Variants in SPATC1L observed in about 807,000 individuals in gnomAD.
SPATC1L encodes the protein spermatogenesis and centriole associated 1 like, also known as speriolin-like protein.
Under a neutral mutation model 21.2 loss-of-function variants are expected in SPATC1L, and 20 were observed. The ratio of observed to expected loss-of-function variants is 0.94; its 90% CI spans 0.66 to 1.37. SPATC1L has a LOEUF of 1.37. Ranked by LOEUF, SPATC1L falls within the 40% of genes most tolerant of loss-of-function variation. The probability of loss-of-function intolerance (pLI) is 0.00; values close to 1 mark genes in which losing one functional copy is unlikely to be tolerated. For synonymous variants in SPATC1L, 290 were observed against 234.5 expected (o/e 1.24, Z -2.16); for missense variants, 499 against 478.7 (o/e 1.04, Z -0.40).
At position 46,182,684 on chromosome 21, in the gene SPATC1L, G is replaced by A; in HGVS notation, c.133C>T (p.His45Tyr). 6.5e-7 allele frequency: 1 copy of A among 1,542,768 alleles called. No individual in the cohort carries two copies. The highest frequency in any genetic ancestry group is 8.7e-7 in the Non-Finnish European group (1 of 1,146,388). Residue 45 changes from histidine (H) to tyrosine (Y), a missense_variant, in exon 2 of 5, where the codon CAC (histidine) becomes TAC (tyrosine). His to Tyr is a moderately conservative substitution (Grantham distance 83). Transcript: ENST00000291672. ...LSQSCQEGGG[H>Y]DLLPPRAHAY... ...TGCGCCCTGGGTGGGAGCAGGTCGT[G>A]GCCGCCGCCCTCCTGGCAGCTCTGG... is the stretch of plus-strand genomic sequence containing the variant.
At chr21:46,165,827 C>T (rs79968514) in intron 3 of SPATC1L, among the ~76,000 whole-genome samples, 16,083 of 152,182 alleles carry the variant, frequency 0.11, 1,497 homozygotes, top group African/African-American at 0.25. Context: ...AAACCTTTAT[C>T]GAATTATTTG....
intron 3 of SPATC1L, among the ~76,000 whole-genome samples, chr21:46,164,892 G>T (rs2079529577): frequency 2.0e-5 from 3 of 151,686 alleles, no homozygotes; most frequent in Admixed American, 2.0e-4. Context: ...AATGATTCTA[G>T]TATAGGTTCT....
intron 2 of SPATC1L, among the ~76,000 whole-genome samples, chr21:46,179,366 C>T (rs8133205): frequency 0.22 from 34,076 of 151,960 alleles, 5,016 homozygotes; most frequent in African/African-American, 0.41. Context: ...ATAGAAGATC[C>T]CATCTCCATA....
intron 2 of SPATC1L, among the ~76,000 whole-genome samples, chr21:46,170,249 TGCTCTGTGAGC>T (rs2079575749): frequency 1.4e-5 from 2 of 141,166 alleles, no homozygotes; most frequent in East Asian, 2.0e-4. Flanking sequence ...AGGAGCCCCC[TGCTCTGTGAGC>T]ATCCTCTGTG....
At chr21:46,168,740 C>A (rs1372854794) in intron 2 of SPATC1L, 82 bp from the exon 3 acceptor site, 7 of 875,380 alleles carry the variant, frequency 8.0e-6, no homozygotes, top group Non-Finnish European at 1.1e-5. Context: ...ATGTTAACAA[C>A]CCCTATGCAC....
intron 2 of SPATC1L, among the ~76,000 whole-genome samples, chr21:46,173,356 G>A (rs749714611): frequency 4.5e-4 from 69 of 152,218 alleles, no homozygotes; most frequent in South Asian, 3.5e-3. Flanking sequence ...AGACAGCCCC[G>A]ACGGCCACAC....
At chr21:46,182,479 G>A in intron 2 of SPATC1L, 145 bp downstream of exon 2, 1 of 724,754 alleles carries the variant, frequency 1.4e-6, no homozygotes, top group Non-Finnish European at 2.1e-6. Flanking sequence ...CCCACCACCT[G>A]GTCTTGCTTT....
At chr21:46,163,869 G>A (rs1190353536) in intron 3 of SPATC1L, among the ~76,000 whole-genome samples, 1 of 152,146 alleles carries the variant, frequency 6.6e-6, no homozygotes, top group Non-Finnish European at 1.5e-5. Context: ...TTTCTGTAAA[G>A]AAGCCACTAG....
intron 2 of SPATC1L, among the ~76,000 whole-genome samples, chr21:46,172,495 A>G (rs925891172): frequency 5.9e-5 from 9 of 152,262 alleles, no homozygotes; most frequent in African/African-American, 2.2e-4. Context: ...GGACTCTTCC[A>G]CAGCATCCAG....
At chr21:46,172,937 C>A (rs966920036) in intron 2 of SPATC1L, among the ~76,000 whole-genome samples, 17 of 152,318 alleles carry the variant, frequency 1.1e-4, no homozygotes, top group Admixed American at 8.5e-4. Flanking sequence ...AAGGAGCAAC[C>A]CACTGTTGCC....
rs55652162 is a variant in SPATC1L at position 46,183,185 on chromosome 21, C to T, written c.-369G>A. The T allele has an allele frequency of 0.03, 8,098 of 267,380 alleles. 378 individuals are homozygous for T. Among genetic ancestry groups the T allele is most frequent in the African/African-American group, 0.11 (5,175 of 45,130 alleles). The allele number at this position is 267,380 out of a possible 1,614,324, so 16.6% of individuals were successfully genotyped here. Reference sequence around the variant, plus strand: ...CGGCCCAGCCAGGGTCGGGTGTCCACCCTGTGTGGTGTCCTCAAGCTGGGT... The same window carrying T: ...CGGCCCAGCCAGGGTCGGGTGTCCATCCTGTGTGGTGTCCTCAAGCTGGGT... On this transcript the variant is annotated 5_prime_UTR_variant, in exon 2 of 5. In the 5' UTR this introduces an upstream ATG that the reference lacks. Transcript: ENST00000291672.
At chr21:46,171,078 G>A (rs2079586167) in intron 2 of SPATC1L, among the ~76,000 whole-genome samples, 1 of 152,248 alleles carries the variant, frequency 6.6e-6, no homozygotes, top group African/African-American at 2.4e-5. Context: ...GGGCTCAGGT[G>A]TGTTCACTTT....
At position 46,182,561 on chromosome 21, in the gene SPATC1L, C is replaced by T. The variant is rs138704000; in HGVS notation, c.193+63G>A. On this transcript the variant is annotated intron_variant, in intron 2 of 4. Transcript: ENST00000291672. The stretch of plus-strand genomic sequence containing the variant: ...GGAGCTGGCCGCCACCCTCGACTCC[C>T]GGGGAGCAGGCGTCCCGCGACCCCC... 917 of 1,395,212 alleles carry T rather than the reference C, an allele frequency of 6.6e-4. 5 individuals are homozygous for T. The East Asian group carries it at 0.019, about 29-fold the overall frequency. 86.4% of individuals were successfully genotyped at this position (1,395,212 alleles called of 1,614,324 possible).
chr21:46,165,974 T>G (rs1431515591), intron 3 of SPATC1L, among the ~76,000 whole-genome samples: 2 of 152,066 alleles, frequency 1.3e-5, no homozygotes, highest in Non-Finnish European at 2.9e-5. Context: ...TAACACCAAT[T>G]CAACACAAAC....
chr21:46,180,230 G>A (rs2079662279), intron 2 of SPATC1L, among the ~76,000 whole-genome samples: 1 of 152,212 alleles, frequency 6.6e-6, no homozygotes, highest in Admixed American at 6.5e-5. Flanking sequence ...ATAAGGACTG[G>A]TGGGGAATGC....
chr21:46,161,608 C>A lies in SPATC1L; in HGVS notation c.794G>T (p.Gly265Val), dbSNP rs1324850588. Residue 265 changes from glycine to valine, a missense_variant, in exon 5 of 5, where the codon GGC (glycine) becomes GTC (valine). Transcript: ENST00000291672. ...LALSARLEKLGYSRDVHPAFS... is the reference protein window; with the variant it reads ...LALSARLEKLVYSRDVHPAFS... ...CGCCGGGTGCACGTCGCGGCTGTAG[C>A]CCAGCTTCTCCAGGCGCGCGCTCAG... 1 of 1,610,356 alleles carries A rather than the reference C, an allele frequency of 6.2e-7. No homozygotes were observed. Among genetic ancestry groups the A allele is most frequent in the Admixed American group, 1.7e-5 (1 of 59,788 alleles).
rs1569002518 is a variant in SPATC1L, at chr21:46,174,350, A to AAAAAAAC, written c.194-5693_194-5692insGTTTTTT. On this transcript the variant is annotated intron_variant, in intron 2 of 4. Transcript: ENST00000291672. ...TCTGTCTCAAAAAACAAAACAAAAA[A>AAAAAAAC]AAAAAAAAAACAGAATGGCAAGCTA... Among the ~76,000 whole-genome samples, 132 of 148,204 alleles carry AAAAAAAC rather than the reference A, an allele frequency of 8.9e-4. 6 individuals carry two copies. In the South Asian group the frequency reaches 0.027, roughly 30 times the overall value.
intron 2 of SPATC1L, among the ~76,000 whole-genome samples, chr21:46,170,945 G>A (rs932466494): frequency 6.0e-5 from 9 of 150,990 alleles, no homozygotes; most frequent in Admixed American, 5.3e-4. Context: ...CTGTGGATGG[G>A]GAGGAGCTTC....
At chr21:46,174,340 A>AC (rs1288708832) in intron 2 of SPATC1L, among the ~76,000 whole-genome samples, 17 of 103,038 alleles carry the variant, frequency 1.6e-4, no homozygotes, top group African/African-American at 7.7e-4. Flanking sequence ...CTCAAAAAAC[A>AC]AAACAAAAAA....
Sources: gnomAD v4.1 joint callset for allele counts (sites outside exome capture counted in the v4.1 genomes callset) on GRCh38, gnomAD v4.1.1 for gene constraint, MANE v1.5 for transcripts, NCBI Gene and HGNC (gene_info 2026-07-23, HGNC 2026-07-21) for gene names.